Variants in GCM1 observed in about 807,000 individuals in gnomAD.
GCM1 encodes GCM transcription factor 1, also known as chorion-specific transcription factor GCMa.
In GCM1, 2 loss-of-function variants were observed where a neutral mutation model predicts 25.7. That is an observed-to-expected ratio of 0.08 (90% CI 0.03 to 0.24). GCM1 has a LOEUF of 0.24. Among genes scored for constraint, GCM1 ranks in the 10% least tolerant of loss-of-function variants. The pLI is 1.00. For missense variants in GCM1, 395 were observed against 538.7 expected, an observed-to-expected ratio of 0.73 and a Z score of 2.64; for synonymous variants, 183 against 195.7, an observed-to-expected ratio of 0.94 and a Z score of 0.54.
intron 2 of GCM1, among the ~76,000 whole-genome samples, chr6:53,137,545 T>C (rs1317580833): frequency 6.6e-6 from 1 of 152,196 alleles, no homozygotes; most frequent in Non-Finnish European, 1.5e-5. Flanking sequence ...CCCAGCACTT[T>C]GGGAGGCCAA....
chr6:53,145,524 A>G (rs1035873729), intron 2 of GCM1, 34 bp downstream of exon 2: 2 of 1,088,192 alleles, frequency 1.8e-6, no homozygotes, highest in Non-Finnish European at 2.9e-6. Context: ...TCACAGCCCA[A>G]TGTTGAAGGC....
intron 2 of GCM1, among the ~76,000 whole-genome samples, chr6:53,140,225 G>A (rs1344888648): frequency 1.3e-5 from 2 of 152,120 alleles, no homozygotes; most frequent in Non-Finnish European, 2.9e-5. Context: ...TCAGAACAAT[G>A]ACAACGTGAC....
chr6:53,132,169 TGTTGACTC>T, intron 3 of GCM1, 50 bp from the exon 4 acceptor site: 2 of 1,116,486 alleles, frequency 1.8e-6, no homozygotes, highest in Non-Finnish European at 2.8e-6. Flanking sequence ...CCATGTCGGT[TGTTGACTC>T]CTGTGCAGTC....
At chr6:53,142,305 T>TG (rs1229659948) in intron 2 of GCM1, among the ~76,000 whole-genome samples, 4 of 152,132 alleles carry the variant, frequency 2.6e-5, no homozygotes, top group Non-Finnish European at 5.9e-5. Flanking sequence ...AAAGGTAGTC[T>TG]GGGGAACATC....
chr6:53,147,432 T>G (rs1205328071), intron 1 of GCM1, among the ~76,000 whole-genome samples: 3 of 148,306 alleles, frequency 2.0e-5, no homozygotes, highest in Non-Finnish European at 4.5e-5. Flanking sequence ...ATTGTTTTTT[T>G]TTTTTTTTTT....
At chr6:53,131,976 A>G in intron 4 of GCM1, 31 bp downstream of exon 4, 2 of 1,209,246 alleles carry the variant, frequency 1.7e-6, no homozygotes, top group South Asian at 1.2e-5. Flanking sequence ...TCAGTAATGA[A>G]ACTCTCACGT....
chr6:53,127,355 T>C lies in GCM1; in HGVS notation c.*851A>G, dbSNP rs1319269102. 4 of 152,158 alleles carry C rather than the reference T, an allele frequency of 2.6e-5. No homozygotes were observed. Among genetic ancestry groups the C allele is most frequent in the Non-Finnish European group, 5.9e-5 (4 of 68,036 alleles). The allele number at this position is 152,158 out of a possible 1,614,324, so 9.4% of individuals were successfully genotyped here. A position where few individuals can be genotyped will look rare whatever the true frequency, so the allele number is the denominator to read the frequency against. The stretch of plus-strand genomic sequence containing the variant: ...TCCTTGTCATCACAAGTCTCAGAAA[T>C]CATCTAGAAAACATATATTTTACAC... On this transcript the variant is annotated 3_prime_UTR_variant, in exon 6 of 6. Transcript: ENST00000259803.
intron 3 of GCM1, among the ~76,000 whole-genome samples, chr6:53,132,446 C>A (rs1203312808): frequency 1.3e-5 from 2 of 152,212 alleles, no homozygotes; most frequent in Non-Finnish European, 2.9e-5. Context: ...CACAGTGGCT[C>A]ACACCCATAA....
intron 4 of GCM1, 97 bp from the exon 5 acceptor site, chr6:53,131,028 G>C (rs750560207): frequency 7.2e-4 from 853 of 1,176,586 alleles, no homozygotes; most frequent in Non-Finnish European, 1.0e-3. Flanking sequence ...GTCCTGCCCC[G>C]GGGGTGGTGT....
intron 3 of GCM1, among the ~76,000 whole-genome samples, chr6:53,133,593 G>A (rs1040392574): frequency 6.6e-6 from 1 of 152,126 alleles, no homozygotes; most frequent in Non-Finnish European, 1.5e-5. Flanking sequence ...CCAGGCTGAA[G>A]CAATCCTTCT....
At chr6:53,147,425 G>GTTTTTTTTTT (rs70980807) in intron 1 of GCM1, among the ~76,000 whole-genome samples, 2 of 93,556 alleles carry the variant, frequency 2.1e-5, no homozygotes, top group Non-Finnish European at 4.2e-5. Context: ...AGTTTTTATT[G>GTTTTTTTTTT]TTTTTTTTTT....
At chr6:53,133,812 C>A (rs1178288437) in intron 3 of GCM1, among the ~76,000 whole-genome samples, 1 of 152,132 alleles carries the variant, frequency 6.6e-6, no homozygotes, top group Admixed American at 6.6e-5. Flanking sequence ...TTAACAGGAG[C>A]CTTCAGTCCA....
At chr6:53,129,813 A>G (rs1042731348) in intron 5 of GCM1, among the ~76,000 whole-genome samples, 1 of 152,188 alleles carries the variant, frequency 6.6e-6, no homozygotes, top group East Asian at 1.9e-4. Context: ...TTGTTGAACC[A>G]TAAATCAGAC....
intron 2 of GCM1, among the ~76,000 whole-genome samples, chr6:53,142,002 A>G (rs1181977299): frequency 5.7e-5 from 3 of 52,402 alleles, no homozygotes; most frequent in Admixed American, 2.0e-4. Flanking sequence ...GAGACCCTGA[A>G]AAAAAAAAAA....
chr6:53,131,558 C>T (rs755336369), intron 4 of GCM1, among the ~76,000 whole-genome samples: 1 of 152,202 alleles, frequency 6.6e-6, no homozygotes, highest in South Asian at 2.1e-4. Flanking sequence ...CCCAGGCAGT[C>T]TGAGTCAGGG....
intron 1 of GCM1, among the ~76,000 whole-genome samples, chr6:53,146,466 C>G (rs146477767): frequency 6.6e-6 from 1 of 151,782 alleles, no homozygotes; most frequent in Non-Finnish European, 1.5e-5. Flanking sequence ...GTGATCTACC[C>G]GCCTCGGACT....
chr6:53,147,425 G>GTTTTTTTTT (rs70980807), intron 1 of GCM1, among the ~76,000 whole-genome samples: 19 of 93,544 alleles, frequency 2.0e-4, no homozygotes, highest in Non-Finnish European at 3.1e-4. Flanking sequence ...AGTTTTTATT[G>GTTTTTTTTT]TTTTTTTTTT....
At chr6:53,140,530 CAAAAA>C (rs10629921) in intron 2 of GCM1, among the ~76,000 whole-genome samples, 6 of 128,596 alleles carry the variant, frequency 4.7e-5, no homozygotes, top group East Asian at 4.5e-4. Context: ...TTCTCTCTAC[CAAAAA>C]AAAAAAAAAA....
intron 2 of GCM1, among the ~76,000 whole-genome samples, chr6:53,142,868 T>C (rs1232527020): frequency 1.1e-3 from 18 of 16,640 alleles, no homozygotes; most frequent in Non-Finnish European, 1.8e-3. Context: ...CTCAAGGATC[T>C]CCAAAAAAAA....
Sources: gnomAD v4.1 joint callset for allele counts (sites outside exome capture counted in the v4.1 genomes callset) on GRCh38, gnomAD v4.1.1 for gene constraint, MANE v1.5 for transcripts, NCBI Gene and HGNC (gene_info 2026-07-23, HGNC 2026-07-21) for gene names.